The following ATP6V0A4 variants were observed in gnomAD, a reference collection of about 807,000 sequenced individuals.
The protein encoded by ATP6V0A4 is ATPase H+ transporting V0 subunit a4.
ATP6V0A4 carries 86 observed loss-of-function variants against 107.3 expected under a neutral mutation model. That is an observed-to-expected ratio of 0.80 (90% CI 0.67 to 0.96). ATP6V0A4 has a LOEUF of 0.96. Ranked by LOEUF, ATP6V0A4 falls within the 40% of genes least tolerant of loss-of-function variation. The pLI, the probability that ATP6V0A4 is intolerant of heterozygous loss-of-function variation, is 0.00. For synonymous variants in ATP6V0A4, 353 were observed against 381.4 expected (o/e 0.93, Z 0.87); for missense variants, 908 against 1,045.6 (o/e 0.87, Z 1.81).
At chr7:138,792,724 G>A (rs62486972) in intron 1 of ATP6V0A4, among the ~76,000 whole-genome samples, 6,475 of 150,112 alleles carry the variant, frequency 0.043, 191 homozygotes, top group African/African-American at 0.082. Context: ...TCAGCCTCCT[G>A]AGTAGCTGGG....
At position 138,773,144 on chromosome 7, in the gene ATP6V0A4, T is replaced by G. The variant is rs1384801822; in HGVS notation, c.-17-1880A>C. On this transcript the variant is annotated intron_variant, in intron 2 of 21. Transcript: ENST00000310018. This position sits in a 1 kb window ranked among gnomAD's most constrained non-coding sequence, Gnocchi z 5.4. ...TGCTCGATACTGGGCCTACCCATTG[T>G]CCCAGTTTCACACAGGACCAACTCT... Among the ~76,000 whole-genome samples the G allele has an allele frequency of 6.6e-6, 1 of 152,160 alleles. No individual in the cohort carries two copies. The highest frequency in any genetic ancestry group is 1.5e-5 in the Non-Finnish European group (1 of 68,022).
At chr7:138,796,080 C>T (rs1808644354) in intron 1 of ATP6V0A4, among the ~76,000 whole-genome samples, 1 of 152,066 alleles carries the variant, frequency 6.6e-6, no homozygotes, top group Non-Finnish European at 1.5e-5. Context: ...TCAGTCCTGC[C>T]CTGTGAAGCC....
chr7:138,708,391 T>C (rs555029979), intron 21 of ATP6V0A4, among the ~76,000 whole-genome samples: 6 of 152,224 alleles, frequency 3.9e-5, no homozygotes, highest in African/African-American at 1.4e-4. Context: ...CTCTCCTCAA[T>C]GACATGGAGG....
chr7:138,752,198 C>T (rs1349899235), intron 11 of ATP6V0A4, among the ~76,000 whole-genome samples: 3 of 151,818 alleles, frequency 2.0e-5, no homozygotes, highest in Non-Finnish European at 2.9e-5. Flanking sequence ...GGTGAAACCC[C>T]GTCTCTACTA....
At chr7:138,776,723 C>T (rs565011579) in intron 2 of ATP6V0A4, among the ~76,000 whole-genome samples, 90 of 152,364 alleles carry the variant, frequency 5.9e-4, no homozygotes, top group Admixed American at 1.4e-3. Flanking sequence ...TGGTTAAGAG[C>T]AGAGGCTCCA....
intron 18 of ATP6V0A4, among the ~76,000 whole-genome samples, chr7:138,725,746 C>T (rs1342296705): frequency 2.6e-5 from 4 of 152,052 alleles, no homozygotes; most frequent in Admixed American, 2.0e-4. Context: ...CTCCTGACCT[C>T]AGGCAATCCA....
At chr7:138,736,641 G>A (rs768024648) in intron 15 of ATP6V0A4, among the ~76,000 whole-genome samples, 35 of 151,776 alleles carry the variant, frequency 2.3e-4, no homozygotes, top group Non-Finnish European at 4.4e-4. Context: ...GTGCAATCTC[G>A]GCTCACTACA....
At chr7:138,752,584 G>A (rs1345669280) in intron 11 of ATP6V0A4, 41 bp downstream of exon 11, 1 of 1,609,126 alleles carries the variant, frequency 6.2e-7, no homozygotes, top group Non-Finnish European at 8.5e-7. Context: ...CAGCAGAGGG[G>A]CTGACTCATC....
At chr7:138,734,054 A>C in intron 16 of ATP6V0A4, 82 bp downstream of exon 16, 1 of 1,463,144 alleles carries the variant, frequency 6.8e-7, no homozygotes. Flanking sequence ...AGAGAGATGC[A>C]GTTCCCAAAC....
In ATP6V0A4 at chr7:138,709,611, C is replaced by A. The variant is rs757196224; in HGVS notation, c.2429+13G>T. ...AACACCACATTGAGCTTCCAGGGGA[C>A]AACCATCCTTACCAGTGCAGTCGCA... On this transcript the variant is annotated intron_variant, in intron 21 of 21. Coordinates refer to ENST00000310018, the MANE Select transcript of ATP6V0A4 (RefSeq NM_020632.3). 6 of 1,611,276 alleles carry A rather than the reference C, an allele frequency of 3.7e-6. No homozygotes were observed. The highest frequency in any genetic ancestry group is 1.3e-5 in the African/African-American group (1 of 74,952).
chr7:138,784,362 A>G (rs1265361313), intron 2 of ATP6V0A4, among the ~76,000 whole-genome samples: 2 of 146,728 alleles, frequency 1.4e-5, no homozygotes, highest in African/African-American at 2.5e-5. Context: ...TCTGTCACAT[A>G]GGCTGGGGTG....
At chr7:138,732,698 T>G (rs1290060410) in intron 17 of ATP6V0A4, among the ~76,000 whole-genome samples, 179 bp downstream of exon 17, 2 of 150,752 alleles carry the variant, frequency 1.3e-5, no homozygotes, top group Admixed American at 1.3e-4. Context: ...GGAGGCTGAG[T>G]CAGGAAAATC....
rs755829532 is a variant in ATP6V0A4, at chr7:138,745,094, G to A, written c.1478+29C>T. The A allele has an allele frequency of 4.3e-5, 68 of 1,589,792 alleles. 1 individual carries two copies. In the South Asian group the frequency reaches 5.6e-4, roughly 13 times the overall value. On this transcript the variant is annotated intron_variant, in intron 14 of 21. Coordinates refer to ENST00000310018, the MANE Select transcript of ATP6V0A4 (RefSeq NM_020632.3). ...CACTGAGGCCACCTGGATGGCCAGC[G>A]ACTACACCATCTCTGTCTGTCAACT... is the stretch of plus-strand genomic sequence containing the variant.
rs931263243 is a variant in ATP6V0A4, at chr7:138,759,744, G to C, written c.639+8C>G. ...TCAGAGAAAGTTTTTGCAGCCCAAG[G>C]TTCCCACCGTCACAGGATCCTCCAG... On this transcript the variant is annotated splice_region_variant and intron_variant, in intron 8 of 21. Coordinates refer to ENST00000310018, the MANE Select transcript of ATP6V0A4 (RefSeq NM_020632.3). 2.5e-6 allele frequency: 4 copies of C among 1,613,986 alleles called. No individual in the cohort carries two copies. The highest frequency in any genetic ancestry group is 3.4e-6 in the Non-Finnish European group (4 of 1,180,036).
At chr7:138,795,624 G>GTTT (rs1353683904) in intron 1 of ATP6V0A4, among the ~76,000 whole-genome samples, 1 of 152,114 alleles carries the variant, frequency 6.6e-6, no homozygotes, top group Non-Finnish European at 1.5e-5. Flanking sequence ...ATTTTGCCCA[G>GTTT]TTTTTGATTG....
At chr7:138,740,950 C>T (rs1166816254) in intron 14 of ATP6V0A4, among the ~76,000 whole-genome samples, 2 of 151,278 alleles carry the variant, frequency 1.3e-5, no homozygotes, top group Admixed American at 6.6e-5. Flanking sequence ...CAAGACCAGC[C>T]TGGCCAACAA....
chr7:138,778,025 G>A (rs78599059), intron 2 of ATP6V0A4, among the ~76,000 whole-genome samples: 2,737 of 152,264 alleles, frequency 0.018, 87 homozygotes, highest in African/African-American at 0.062. Flanking sequence ...ATTTCATTCA[G>A]AGTCCTCAAG....
chr7:138,779,056 T>C (rs1001805010), intron 2 of ATP6V0A4, among the ~76,000 whole-genome samples: 2 of 152,186 alleles, frequency 1.3e-5, no homozygotes, highest in Non-Finnish European at 2.9e-5. Context: ...GACTGTGGTA[T>C]TGGGCCAGGA....
chr7:138,739,523 C>T lies in ATP6V0A4; in HGVS notation c.1572+17G>A. ...TAGTTCACATAAGAAATATTTAACC[C>T]AAGAAGACATTATTACCGGATCAAT... On this transcript the variant is annotated intron_variant, in intron 15 of 21. Transcript: ENST00000310018. 1.2e-6 allele frequency: 2 copies of T among 1,613,720 alleles called. No homozygotes were observed. The highest frequency in any genetic ancestry group is 1.7e-6 in the Non-Finnish European group (2 of 1,179,728).
Sources: allele counts gnomAD v4.1 joint callset (sites outside exome capture counted in the v4.1 genomes callset), GRCh38; gene constraint gnomAD v4.1.1; non-coding constraint Gnocchi (gnomAD v3.1); transcripts MANE v1.5; gene names NCBI Gene and HGNC (gene_info 2026-07-23, HGNC 2026-07-21).